CELSR1: variants seen among roughly 807,000 people sequenced by gnomAD.
The protein encoded by CELSR1 is cadherin EGF LAG seven-pass G-type receptor 1, also known as adhesion G protein-coupled receptor C1.
Under a neutral mutation model 249.1 loss-of-function variants are expected in CELSR1, and 110 were observed. The ratio of observed to expected loss-of-function variants is 0.44; its 90% CI spans 0.38 to 0.52. The LOEUF (loss-of-function observed/expected upper bound fraction) is 0.52. Ranked by LOEUF, CELSR1 falls within the 20% of genes least tolerant of loss-of-function variation. The pLI is 0.00. For synonymous variants in CELSR1, 2,113 were observed against 1,900.0 expected (o/e 1.11, Z -2.92); for missense variants, 4,109 against 4,296.4 (o/e 0.96, Z 1.22).
In CELSR1 at chr22:46,535,993, A is replaced by G. The variant is rs1179161366; in HGVS notation, c.1178T>C (p.Leu393Ser). 1 of 1,610,568 alleles carries G rather than the reference A, an allele frequency of 6.2e-7. No homozygotes were observed. The highest frequency in any genetic ancestry group is 2.2e-5 in the East Asian group (1 of 44,866). The change falls in exon 1 of 35, where the codon TTG (leucine) becomes TCG (serine). Residue 393 changes from leucine to serine, a missense_variant. Physicochemically the swap from Leu to Ser is moderately radical, Grantham distance 145 (BLOSUM62 -2). Coordinates refer to ENST00000674500, the MANE Select transcript of CELSR1 (RefSeq NM_001378328.1). ...CTGGAAGACGTCCCACGCGCCCCCCAACACGCGGTAACGCAAGTTGGCGTT... is the reference window on the plus strand; with the variant it reads ...CTGGAAGACGTCCCACGCGCCCCCCGACACGCGGTAACGCAAGTTGGCGTT... ...PINANLRYRVLGGAWDVFQLN... is the reference protein window; with the variant it reads ...PINANLRYRVSGGAWDVFQLN...
chr22:46,493,700 G>A (rs1179293553), intron 1 of CELSR1, among the ~76,000 whole-genome samples: 1 of 152,154 alleles, frequency 6.6e-6, no homozygotes, highest in Non-Finnish European at 1.5e-5. Context: ...GGTCTTTTCT[G>A]TGCTGTTCTC....
chr22:46,458,366 C>G (rs2079981215), intron 2 of CELSR1, among the ~76,000 whole-genome samples: 1 of 152,152 alleles, frequency 6.6e-6, no homozygotes, highest in African/African-American at 2.4e-5. Flanking sequence ...CCTGGGCGCT[C>G]CGTGAAGAAG....
intron 1 of CELSR1, among the ~76,000 whole-genome samples, chr22:46,477,840 C>A (rs180806652): frequency 6.6e-6 from 1 of 152,078 alleles, no homozygotes; most frequent in Non-Finnish European, 1.5e-5. Context: ...AAAGGAGGAA[C>A]CCCCGGGCTT....
Position 46,409,046 on chromosome 22 carries a change from TGTCC to T in CELSR1, c.5172_5175del (p.Asp1725AlafsTer3). The T allele has an allele frequency of 6.2e-7, 1 of 1,613,242 alleles. No homozygotes were observed. Reference sequence around the variant, plus strand: ...CCACTGGTGGCCTCCATCAGAACGCTGTCCTCCTTCCGGGTCCGGAACATGAGCC... The same window carrying T: ...CCACTGGTGGCCTCCATCAGAACGCTTCCTTCCGGGTCCGGAACATGAGCC... On this transcript the variant is annotated frameshift_variant, in exon 9 of 35. Transcript: ENST00000674500. LOFTEE classifies it high-confidence loss of function. This position sits in a 1 kb window ranked among gnomAD's most constrained non-coding sequence, Gnocchi z 9.8.
intron 2 of CELSR1, among the ~76,000 whole-genome samples, chr22:46,442,527 C>T (rs540225930): frequency 1.1e-4 from 17 of 152,364 alleles, no homozygotes; most frequent in South Asian, 8.3e-4. Context: ...GGCTCCTGGA[C>T]ACCGGCTGCC....
chr22:46,404,949 G>A (rs534238610), intron 9 of CELSR1, among the ~76,000 whole-genome samples: 83 of 151,748 alleles, frequency 5.5e-4, no homozygotes, highest in African/African-American at 1.4e-3. Context: ...CTTAGCCTCC[G>A]GAGTAGCTGG....
rs368235121 is a variant in CELSR1, at chr22:46,446,377, G to A, written c.4184-6966C>T. Among the ~76,000 whole-genome samples, 1 of 152,100 alleles carries A rather than the reference G, an allele frequency of 6.6e-6. No individual in the cohort carries two copies. The highest frequency in any genetic ancestry group is 2.4e-5 in the African/African-American group (1 of 41,412). ...CCTGCCTGCTTAGGGTGACCCTGGG[G>A]GCTCTCATGGACTCAAAATCTCCCC... On this transcript the variant is annotated intron_variant, in intron 2 of 34. Coordinates refer to ENST00000674500, the MANE Select transcript of CELSR1 (RefSeq NM_001378328.1). This position sits in a 1 kb window ranked among gnomAD's most constrained non-coding sequence, Gnocchi z 5.5.
At chr22:46,435,857 C>A (rs1427589819) in intron 4 of CELSR1, among the ~76,000 whole-genome samples, 1 of 152,128 alleles carries the variant, frequency 6.6e-6, no homozygotes, top group African/African-American at 2.4e-5. Context: ...TGCACCACCA[C>A]GCCCAGCTAA....
chr22:46,463,648 C>A, intron 2 of CELSR1, 59 bp downstream of exon 2: 1 of 1,444,558 alleles, frequency 6.9e-7, no homozygotes, highest in Non-Finnish European at 9.1e-7. Flanking sequence ...CCACCTGAGA[C>A]CCTCGGCCAT....
chr22:46,451,286 G>A (rs991188642), intron 2 of CELSR1, among the ~76,000 whole-genome samples: 2 of 152,348 alleles, frequency 1.3e-5, no homozygotes, highest in South Asian at 4.1e-4. Context: ...TGGGAAGGGG[G>A]AGGCCAGGGG....
rs975773486 is a variant in CELSR1 at position 46,433,871 on chromosome 22, G to A, written c.4523-390C>T. ...GGCTAATTTTTGTATTTTTAGTAGA[G>A]ATGGGGTTTCACCATGTTGGCTAGT... On this transcript the variant is annotated intron_variant, in intron 4 of 34. Transcript: ENST00000674500. This position sits in a 1 kb window ranked among gnomAD's most constrained non-coding sequence, Gnocchi z 5.7. Among the ~76,000 whole-genome samples, 1 of 152,200 alleles carries A rather than the reference G, an allele frequency of 6.6e-6. No homozygotes were observed. Among genetic ancestry groups the A allele is most frequent in the South Asian group, 2.1e-4 (1 of 4,836 alleles).
In CELSR1 at chr22:46,427,944, C is replaced by A. The variant is rs904333874; in HGVS notation, c.4611+5449G>T. Among the ~76,000 whole-genome samples the A allele has an allele frequency of 6.6e-6, 1 of 152,120 alleles. No homozygotes were observed. The highest frequency in any genetic ancestry group is 2.4e-5 in the African/African-American group (1 of 41,422). On this transcript the variant is annotated intron_variant, in intron 5 of 34. Transcript: ENST00000674500. This position sits in a 1 kb window ranked among gnomAD's most constrained non-coding sequence, Gnocchi z 4.2. ...GCAGAAACGGAGAAGCTCCCCCGAC[C>A]CCAGGGGTGCTCCGGGGGTACATCT...
intron 1 of CELSR1, among the ~76,000 whole-genome samples, chr22:46,531,458 G>A (rs867561588): frequency 4.1e-4 from 63 of 152,222 alleles, no homozygotes; most frequent in African/African-American, 1.4e-3. Context: ...CACCTGCCTC[G>A]GCCTCCCACA....
rs1569180453 is a variant in CELSR1, at chr22:46,460,973, A to G, written c.4183+2734T>C. Among the ~76,000 whole-genome samples, 4 of 152,266 alleles carry G rather than the reference A, an allele frequency of 2.6e-5. 1 individual carries two copies. The South Asian group carries it at 6.2e-4, about 24-fold the overall frequency. On this transcript the variant is annotated intron_variant, in intron 2 of 34. Transcript: ENST00000674500. ...AGCTCCTGCTGTCTCCTGTCCCGCA[A>G]CACAAGAAGCCAGGGGCTTTCAGCA... is the stretch of plus-strand genomic sequence containing the variant.
Position 46,519,213 on chromosome 22 carries a change from G to A in CELSR1, c.3544+14414C>T, listed in dbSNP as rs78442809. On this transcript the variant is annotated intron_variant, in intron 1 of 34. Transcript: ENST00000674500. ...GAAATGCTTTGGAACTGGACAGGGT[G>A]GGGGTGTTGCACACCACTGTGATGT... 3.9e-5 allele frequency among the ~76,000 whole-genome samples: 6 copies of A among 152,296 alleles called. No homozygotes were observed. The East Asian group carries it at 7.7e-4, about 20-fold the overall frequency.
Position 46,423,388 on chromosome 22 carries a change from C to G in CELSR1, c.4611+10005G>C, listed in dbSNP as rs113633488. 9.6e-3 allele frequency among the ~76,000 whole-genome samples: 1,463 copies of G among 151,956 alleles called. 30 individuals carry two copies. Among genetic ancestry groups the G allele is most frequent in the African/African-American group, 0.032 (1,333 of 41,420 alleles). The stretch of plus-strand genomic sequence containing the variant: ...CTTTGGGAGGCCGAGGGGGGCAGAT[C>G]ACCTGAGGTCAGGAGTTCAAGACCA... On this transcript the variant is annotated intron_variant, in intron 5 of 34. Coordinates refer to ENST00000674500, the MANE Select transcript of CELSR1 (RefSeq NM_001378328.1). The surrounding 1 kb of genome is among the most constrained non-coding windows in gnomAD (Gnocchi z 5.6).
At position 46,535,985 on chromosome 22, in the gene CELSR1, C is replaced by T. The variant is rs761345110; in HGVS notation, c.1186G>A (p.Ala396Thr). 4 of 1,610,612 alleles carry T rather than the reference C, an allele frequency of 2.5e-6. No individual in the cohort carries two copies. The highest frequency in any genetic ancestry group is 1.7e-4 in the Middle Eastern group (1 of 6,060). ...ANLRYRVLGG[A>T]WDVFQLNESS... ...TCGTTGAGCTGGAAGACGTCCCACG[C>T]GCCCCCCAACACGCGGTAACGCAAG... The change falls in exon 1 of 35, where the codon GCG (alanine) becomes ACG (threonine). Residue 396 changes from alanine (A) to threonine (T), a missense_variant. By Grantham distance (58) the Ala-to-Thr change is moderately conservative (BLOSUM62 0). This residue lies in a region of CELSR1 where 673 missense variants were observed against 636.8 expected (regional missense o/e 1.06). Transcript: ENST00000674500.
chr22:46,406,933 G>A lies in CELSR1; in HGVS notation c.5226+2063C>T, dbSNP rs547360437. ...AGGCAATAAGGCATGGCTCCGCCAC[G>A]GCACACAGCTGATGGCGGAGGACAC... On this transcript the variant is annotated intron_variant, in intron 9 of 34. Transcript: ENST00000674500. The surrounding 1 kb of genome is among the most constrained non-coding windows in gnomAD (Gnocchi z 5.4). 9.2e-5 allele frequency among the ~76,000 whole-genome samples: 14 copies of A among 152,344 alleles called. No individual in the cohort carries two copies. The highest frequency in any genetic ancestry group is 7.2e-4 in the Admixed American group (11 of 15,310).
At chr22:46,494,172 G>A (rs538954889) in intron 1 of CELSR1, among the ~76,000 whole-genome samples, 3 of 151,908 alleles carry the variant, frequency 2.0e-5, no homozygotes, top group East Asian at 1.9e-4. Context: ...CTTCCATTCC[G>A]CTGGCCTATC....
Sources: gnomAD v4.1 joint callset for allele counts (sites outside exome capture counted in the v4.1 genomes callset) on GRCh38, gnomAD v4.1.1 for gene constraint, gnomAD v4.1.1 regional missense constraint, Gnocchi (gnomAD v3.1) non-coding constraint, MANE v1.5 for transcripts, NCBI Gene and HGNC (gene_info 2026-07-23, HGNC 2026-07-21) for gene names.